Variants in CCNY observed in about 807,000 individuals in gnomAD.
CCNY encodes cyclin-Y.
In CCNY, 19 loss-of-function variants were observed where a neutral mutation model predicts 42.8. The observed-to-expected ratio is 0.44, with a 90% CI of 0.31 to 0.65. The LOEUF is 0.65. CCNY is among the 30% of genes least tolerant of loss of function. The pLI is 0.07. For synonymous variants in CCNY, 165 were observed against 162.7 expected, an observed-to-expected ratio of 1.01 and a Z score of -0.11; for missense variants, 370 against 437.3, an observed-to-expected ratio of 0.85 and a Z score of 1.37.
chr10:35,412,255 C>T (rs1837922836), intron 1 of CCNY, among the ~76,000 whole-genome samples: 3 of 152,128 alleles, frequency 2.0e-5, no homozygotes. Flanking sequence ...AAACAGTAAT[C>T]CAATCTACAG....
intron 3 of CCNY, among the ~76,000 whole-genome samples, chr10:35,260,047 A>G (rs2095718433): frequency 6.6e-6 from 1 of 152,128 alleles, no homozygotes; most frequent in Non-Finnish European, 1.5e-5. Context: ...CTATGTTGGG[A>G]CTAAGAATTT....
At chr10:35,404,517 C>T (rs960590005) in intron 1 of CCNY, among the ~76,000 whole-genome samples, 4 of 152,200 alleles carry the variant, frequency 2.6e-5, no homozygotes, top group Non-Finnish European at 4.4e-5. Context: ...ATACCCACAA[C>T]AGTTATGGAG....
At chr10:35,440,632 G>C (rs949024236) in intron 1 of CCNY, among the ~76,000 whole-genome samples, 1 of 152,116 alleles carries the variant, frequency 6.6e-6, no homozygotes, top group Non-Finnish European at 1.5e-5. Flanking sequence ...ACCCCTGTCC[G>C]GGGCACAGCT....
At chr10:35,368,632 C>T (rs1044401255) in intron 1 of CCNY, among the ~76,000 whole-genome samples, 10 of 138,322 alleles carry the variant, frequency 7.2e-5, no homozygotes, top group African/African-American at 3.0e-4. Flanking sequence ...AGTGACTCCT[C>T]CTGGGGGTGT....
At chr10:35,392,638 C>T (rs575056359) in intron 1 of CCNY, among the ~76,000 whole-genome samples, 1 of 152,132 alleles carries the variant, frequency 6.6e-6, no homozygotes, top group Admixed American at 6.5e-5. Context: ...TTTAGGTGAC[C>T]CCACTGGTTG....
intron 1 of CCNY, among the ~76,000 whole-genome samples, chr10:35,471,602 T>C (rs1157478927): frequency 6.6e-6 from 1 of 152,254 alleles, no homozygotes; most frequent in East Asian, 1.9e-4. Flanking sequence ...GATTTATCTT[T>C]AGTTTTGAAT....
chr10:35,384,035 C>T (rs187747534), intron 1 of CCNY, among the ~76,000 whole-genome samples: 5 of 152,116 alleles, frequency 3.3e-5, no homozygotes, highest in Admixed American at 1.3e-4. Context: ...GATGATGTTT[C>T]ACAGACAGCA....
At chr10:35,327,932 T>C (rs891886717) in intron 3 of CCNY, among the ~76,000 whole-genome samples, 6 of 152,204 alleles carry the variant, frequency 3.9e-5, no homozygotes, top group Admixed American at 6.5e-5. Flanking sequence ...TTTCAGAGGT[T>C]ACCAAGTGAA....
intron 1 of CCNY, among the ~76,000 whole-genome samples, chr10:35,434,894 T>C (rs566317084): frequency 6.6e-6 from 1 of 152,224 alleles, no homozygotes; most frequent in East Asian, 1.9e-4. Context: ...GTGCCCCTTA[T>C]ACTTTCTTTC....
intron 1 of CCNY, among the ~76,000 whole-genome samples, chr10:35,478,319 G>A (rs372903539): frequency 3.0e-4 from 46 of 151,634 alleles, no homozygotes; most frequent in African/African-American, 3.9e-4. Flanking sequence ...AAAAAAGAGC[G>A]CGCATCACCA....
At chr10:35,529,533 A>G (rs1286595236) in intron 5 of CCNY, among the ~76,000 whole-genome samples, 1 of 152,162 alleles carries the variant, frequency 6.6e-6, no homozygotes, top group Non-Finnish European at 1.5e-5. Flanking sequence ...ATCATTATTC[A>G]TGAATAACCA....
intron 3 of CCNY, among the ~76,000 whole-genome samples, chr10:35,259,669 ATTGTTTTTTTT>A (rs1211974730): frequency 1.9e-4 from 22 of 115,092 alleles, no homozygotes; most frequent in Admixed American, 3.1e-4. Flanking sequence ...TGCCTGGCTA[ATTGTTTTTTTT>A]TTTTTTTTTT....
chr10:35,296,947 A>C (rs555523880), intron 3 of CCNY, among the ~76,000 whole-genome samples: 1 of 152,264 alleles, frequency 6.6e-6, no homozygotes, highest in African/African-American at 2.4e-5. Flanking sequence ...TCTCCAACTC[A>C]TTTTATGAGG....
At chr10:35,374,801 A>G (rs1230048127) in intron 1 of CCNY, among the ~76,000 whole-genome samples, 2 of 152,214 alleles carry the variant, frequency 1.3e-5, no homozygotes, top group Non-Finnish European at 2.9e-5. Flanking sequence ...AAAAAAGGGG[A>G]TGGAAAATGA....
chr10:35,282,118 T>C (rs2135054527), intron 3 of CCNY, among the ~76,000 whole-genome samples: 1 of 139,450 alleles, frequency 7.2e-6, no homozygotes, highest in South Asian at 2.5e-4. Context: ...TACACCCTTT[T>C]TTTTTTTTTT....
chr10:35,438,307 C>A (rs1838585222), intron 1 of CCNY, among the ~76,000 whole-genome samples: 1 of 148,924 alleles, frequency 6.7e-6, no homozygotes, highest in East Asian at 2.0e-4. Flanking sequence ...CACCACCATG[C>A]CTGACTAATT....
chr10:35,523,261 T>G (rs1389372610), intron 4 of CCNY, among the ~76,000 whole-genome samples: 2 of 152,158 alleles, frequency 1.3e-5, no homozygotes, highest in Non-Finnish European at 2.9e-5. Context: ...CACAAAGATA[T>G]GAAAGGACCT....
chr10:35,389,920 A>G (rs1046883349), intron 1 of CCNY, among the ~76,000 whole-genome samples: 3 of 151,074 alleles, frequency 2.0e-5, no homozygotes, highest in African/African-American at 7.4e-5. Context: ...GCATAGAACA[A>G]AATGAACAAA....
In CCNY at chr10:35,369,558, T is replaced by G. The variant is rs189065271; in HGVS notation, c.154+32351T>G. On this transcript the variant is annotated intron_variant, in intron 1 of 9. Transcript: ENST00000374704. Reference sequence around the variant, plus strand: ...AAGAGAATACATTCTTGGCTTAATATATCCTTTTTGAGAAAACTACTCTAT... The same window carrying G: ...AAGAGAATACATTCTTGGCTTAATAGATCCTTTTTGAGAAAACTACTCTAT... Among the ~76,000 whole-genome samples the G allele has an allele frequency of 7.0e-3, 1,071 of 152,356 alleles. 10 individuals carry two copies. The highest frequency in any genetic ancestry group is 0.025 in the African/African-American group (1,023 of 41,580).
Sources: allele counts gnomAD v4.1 joint callset (sites outside exome capture counted in the v4.1 genomes callset), GRCh38; gene constraint gnomAD v4.1.1; transcripts MANE v1.5; gene names NCBI Gene and HGNC (gene_info 2026-07-23, HGNC 2026-07-21).